Variants in PAPOLA observed in about 807,000 individuals in gnomAD.
PAPOLA encodes the protein poly(A) polymerase alpha.
PAPOLA carries 15 observed loss-of-function variants against 100.6 expected under a neutral mutation model. The observed-to-expected ratio is 0.15, with a 90% CI of 0.10 to 0.23. PAPOLA has a LOEUF of 0.23. Ranked by LOEUF, PAPOLA falls within the 10% of genes least tolerant of loss-of-function variation. The probability of loss-of-function intolerance (pLI) is 1.00; values close to 1 mark genes in which losing one functional copy is unlikely to be tolerated. For missense variants in PAPOLA, 533 were observed against 884.2 expected, an observed-to-expected ratio of 0.60 and a Z score of 5.04; for synonymous variants, 293 against 300.0, an observed-to-expected ratio of 0.98 and a Z score of 0.24.
intron 12 of PAPOLA, among the ~76,000 whole-genome samples, chr14:96,541,105 G>T (rs1339168407): frequency 1.3e-5 from 2 of 152,102 alleles, no homozygotes; most frequent in African/African-American, 4.8e-5. Flanking sequence ...TAGCCAGGAT[G>T]GTCTCATCTC....
intron 6 of PAPOLA, among the ~76,000 whole-genome samples, chr14:96,528,651 G>A (rs1898713461): frequency 6.6e-6 from 1 of 152,208 alleles, no homozygotes; most frequent in South Asian, 2.1e-4. Flanking sequence ...CTATCAGGAA[G>A]CTGCTACAGG....
At chr14:96,502,803 G>A (rs1300200139) in intron 1 of PAPOLA, 6 of 533,320 alleles carry the variant, frequency 1.1e-5, no homozygotes, top group African/African-American at 2.0e-5. Context: ...CGCGTCCCCC[G>A]ACCCTTCCTG....
intron 10 of PAPOLA, 133 bp downstream of exon 10, chr14:96,534,696 T>C: frequency 6.7e-7 from 1 of 1,492,898 alleles, no homozygotes; most frequent in African/African-American, 1.4e-5. Context: ...TTCTTTTAGA[T>C]AACCTCAACT....
chr14:96,505,021 C>T (rs1896613687), intron 1 of PAPOLA, among the ~76,000 whole-genome samples: 1 of 152,046 alleles, frequency 6.6e-6, no homozygotes, highest in African/African-American at 2.4e-5. Flanking sequence ...GATCAAGTGT[C>T]CATATTTTGT....
intron 1 of PAPOLA, chr14:96,504,230 T>G (rs938354294): frequency 2.6e-5 from 4 of 152,216 alleles, no homozygotes; most frequent in African/African-American, 9.6e-5. Flanking sequence ...AAATGATAGA[T>G]GTAAACCTTA....
intron 10 of PAPOLA, 166 bp downstream of exon 10, chr14:96,534,729 G>A: frequency 1.4e-6 from 2 of 1,433,682 alleles, no homozygotes; most frequent in Non-Finnish European, 1.8e-6. Context: ...AACTATAATT[G>A]ATGTGAGAAG....
intron 12 of PAPOLA, among the ~76,000 whole-genome samples, chr14:96,539,918 A>G (rs1271033098): frequency 3.3e-5 from 5 of 152,092 alleles, no homozygotes; most frequent in African/African-American, 1.2e-4. Context: ...AAACTTAACT[A>G]TTGCATTTTA....
At chr14:96,536,183 T>C (rs1899511140) in intron 11 of PAPOLA, among the ~76,000 whole-genome samples, 184 bp downstream of exon 11, 1 of 152,164 alleles carries the variant, frequency 6.6e-6, no homozygotes. Flanking sequence ...TTAGGCAATT[T>C]GTTTTTTATA....
In PAPOLA at chr14:96,534,204, T is replaced by C. The variant is rs1899318832; in HGVS notation, c.837-287T>C. 1.3e-5 allele frequency: 16 copies of C among 1,208,002 alleles called. No homozygotes were observed. In the South Asian group the frequency reaches 3.7e-4, roughly 28 times the overall value. The allele number at this position is 1,208,002 out of a possible 1,614,324, so 74.8% of individuals were successfully genotyped here. A position where few individuals can be genotyped will look rare whatever the true frequency, so the allele number is the denominator to read the frequency against. On this transcript the variant is annotated intron_variant, in intron 9 of 21. Coordinates refer to ENST00000216277, the MANE Select transcript of PAPOLA (RefSeq NM_032632.5). ...CAAGGTTGAAGTGGACACATCATTA[T>C]CTTGGGATGGTACTTCTTTATTTAA... is the stretch of plus-strand genomic sequence containing the variant.
At chr14:96,522,042 T>A (rs1898013313) in intron 3 of PAPOLA, among the ~76,000 whole-genome samples, 2 of 151,510 alleles carry the variant, frequency 1.3e-5, no homozygotes, top group South Asian at 4.2e-4. Flanking sequence ...CCTCAAGTGA[T>A]CCACCTTCCT....
chr14:96,518,579 T>G (rs1199194870), intron 1 of PAPOLA, among the ~76,000 whole-genome samples: 2 of 151,930 alleles, frequency 1.3e-5, no homozygotes, highest in Non-Finnish European at 2.9e-5. Flanking sequence ...CCAGCTAATT[T>G]TTTGTATTTT....
rs1285110984 is a variant in PAPOLA, at chr14:96,524,775, C to T, written c.250-535C>T. ...GCTCAAGCAATTGGCCCGTCTCACCCTCCCAAAGTGTTGGGATTATAGGCG... is the reference window on the plus strand; with the variant it reads ...GCTCAAGCAATTGGCCCGTCTCACCTTCCCAAAGTGTTGGGATTATAGGCG... On this transcript the variant is annotated intron_variant, in intron 3 of 21. Coordinates refer to ENST00000216277, the MANE Select transcript of PAPOLA (RefSeq NM_032632.5). Among the ~76,000 whole-genome samples the T allele has an allele frequency of 2.0e-5, 3 of 152,176 alleles. No individual in the cohort carries two copies. The East Asian group carries it at 5.8e-4, about 29-fold the overall frequency.
intron 1 of PAPOLA, among the ~76,000 whole-genome samples, chr14:96,514,104 C>T (rs1897275231): frequency 6.6e-6 from 1 of 151,526 alleles, no homozygotes; most frequent in Non-Finnish European, 1.5e-5. Context: ...GATGATCATG[C>T]TTTGCCTATT....
At chr14:96,556,557 T>C in intron 19 of PAPOLA, 144 bp downstream of exon 19, 1 of 674,360 alleles carries the variant, frequency 1.5e-6, no homozygotes, top group Non-Finnish European at 2.6e-6. Flanking sequence ...TCTGTAGTGC[T>C]TTAGTGCTGT....
intron 6 of PAPOLA, among the ~76,000 whole-genome samples, chr14:96,528,294 G>C (rs1414475682): frequency 1.3e-5 from 2 of 152,152 alleles, no homozygotes; most frequent in Non-Finnish European, 2.9e-5. Context: ...TGCCAGTTTT[G>C]TGTGCTTTTA....
At chr14:96,560,591 T>C in intron 19 of PAPOLA, 58 bp from the exon 20 acceptor site, 1 of 1,134,238 alleles carries the variant, frequency 8.8e-7, no homozygotes, top group South Asian at 1.3e-5. Context: ...AAAGCATTGA[T>C]TGGCAAATAA....
intron 12 of PAPOLA, among the ~76,000 whole-genome samples, chr14:96,541,673 AT>A (rs1394054288): frequency 7.3e-5 from 11 of 149,960 alleles, no homozygotes; most frequent in South Asian, 2.1e-4. Flanking sequence ...CATGTTAGTG[AT>A]TTTTTTTTTC....
rs574759867 is a variant in PAPOLA, at chr14:96,512,241, T to C, written c.9-7814T>C. Among the ~76,000 whole-genome samples, 33 of 152,158 alleles carry C rather than the reference T, an allele frequency of 2.2e-4. 2 individuals carry two copies. The East Asian group carries it at 6.0e-3, about 28-fold the overall frequency. On this transcript the variant is annotated intron_variant, in intron 1 of 21. Transcript: ENST00000216277. ...TGATTGTGTTTCTATGAATGTGTTA[T>C]GGACATAATATACAAATAGTTAAAA...
intron 1 of PAPOLA, 96 bp from the exon 2 acceptor site, chr14:96,519,959 G>A: frequency 9.5e-7 from 1 of 1,056,400 alleles, no homozygotes; most frequent in East Asian, 2.5e-5. Flanking sequence ...ATCATGTTTA[G>A]AAATGTGTGT....
Sources: allele counts gnomAD v4.1 joint callset (sites outside exome capture counted in the v4.1 genomes callset), GRCh38; gene constraint gnomAD v4.1.1; transcripts MANE v1.5; gene names NCBI Gene and HGNC (gene_info 2026-07-23, HGNC 2026-07-21).